Variants in MAGI1 observed in about 807,000 individuals in gnomAD.
MAGI1 encodes the protein membrane-associated guanylate kinase, WW and PDZ domain-containing protein 1.
Under a neutral mutation model 139.9 loss-of-function variants are expected in MAGI1, and 58 were observed. That is an observed-to-expected ratio of 0.41 (90% CI 0.34 to 0.52). The LOEUF is 0.52. MAGI1 is among the 20% of genes least tolerant of loss of function. MAGI1 has a pLI of 0.12. For synonymous variants in MAGI1, 812 were observed against 737.9 expected (o/e 1.10, Z -1.63); for missense variants, 1,874 against 1,901.6 (o/e 0.99, Z 0.27).
At chr3:65,974,685 A>C (rs1560071945) in intron 1 of MAGI1, among the ~76,000 whole-genome samples, 1 of 152,112 alleles carries the variant, frequency 6.6e-6, no homozygotes, top group Non-Finnish European at 1.5e-5. Context: ...GCTCATTCGC[A>C]TGGCTGTCAG....
chr3:65,858,080 G>T (rs1317942586), intron 1 of MAGI1, among the ~76,000 whole-genome samples: 1 of 151,724 alleles, frequency 6.6e-6, no homozygotes, highest in Non-Finnish European at 1.5e-5. Flanking sequence ...CTGCACTCCA[G>T]CCTGGGTGAC....
intron 1 of MAGI1, among the ~76,000 whole-genome samples, chr3:65,863,166 C>T (rs1329900818): frequency 1.3e-5 from 2 of 152,220 alleles, no homozygotes; most frequent in Admixed American, 1.3e-4. Flanking sequence ...AAATTCGGAT[C>T]AATCTTCAAG....
intron 1 of MAGI1, among the ~76,000 whole-genome samples, chr3:65,780,860 T>C (rs929273987): frequency 5.3e-5 from 8 of 152,210 alleles, no homozygotes. Flanking sequence ...GTATACTATG[T>C]AAGGGCCATG....
intron 1 of MAGI1, chr3:65,893,832 G>A (rs1238157940): frequency 1.3e-5 from 2 of 152,162 alleles, no homozygotes; most frequent in Non-Finnish European, 2.9e-5. Flanking sequence ...TGAAATGCTT[G>A]TCTCTGCTTC....
At chr3:65,646,348 T>C (rs900637760) in intron 1 of MAGI1, among the ~76,000 whole-genome samples, 1 of 151,702 alleles carries the variant, frequency 6.6e-6, no homozygotes, top group Non-Finnish European at 1.5e-5. Context: ...CAAGAAAACA[T>C]AGCAATCCTA....
At chr3:65,400,345 C>T (rs541597227) in intron 13 of MAGI1, among the ~76,000 whole-genome samples, 6 of 151,990 alleles carry the variant, frequency 3.9e-5, no homozygotes, top group African/African-American at 9.6e-5. Flanking sequence ...CAGGAAGCTC[C>T]CTCTCTCATC....
chr3:65,684,524 G>T (rs994988141), intron 1 of MAGI1, among the ~76,000 whole-genome samples: 2 of 152,200 alleles, frequency 1.3e-5, no homozygotes, highest in Admixed American at 1.3e-4. Flanking sequence ...AGCCAGGGGA[G>T]AGATGGGTGT....
At chr3:65,763,195 T>C (rs1203660809) in intron 1 of MAGI1, among the ~76,000 whole-genome samples, 1 of 152,076 alleles carries the variant, frequency 6.6e-6, no homozygotes, top group Non-Finnish European at 1.5e-5. Flanking sequence ...ACCAAGAGAG[T>C]TCTGTATAAA....
chr3:65,585,669 T>C (rs1273029931), intron 2 of MAGI1, among the ~76,000 whole-genome samples: 3 of 152,132 alleles, frequency 2.0e-5, no homozygotes, highest in Non-Finnish European at 4.4e-5. Context: ...ATTCTAGGTA[T>C]CTACCTAGCA....
intron 1 of MAGI1, among the ~76,000 whole-genome samples, chr3:66,025,660 C>A (rs1232912327): frequency 6.6e-6 from 1 of 152,136 alleles, no homozygotes; most frequent in Non-Finnish European, 1.5e-5. Context: ...AAAAGCCCCC[C>A]CATCTTCAAA....
chr3:65,424,738 C>T (rs142496432), intron 12 of MAGI1, among the ~76,000 whole-genome samples: 3 of 152,172 alleles, frequency 2.0e-5, no homozygotes, highest in South Asian at 2.1e-4. Flanking sequence ...TACTCAGAAA[C>T]GAAAATATTA....
intron 1 of MAGI1, among the ~76,000 whole-genome samples, chr3:65,859,894 G>GT (rs113749701): frequency 0.87 from 127,380 of 146,664 alleles, 54,361 homozygotes; most frequent in East Asian, 0.99. Flanking sequence ...TTTTTTGTTT[G>GT]TTTTTGTTTT....
At chr3:65,799,985 T>G (rs1559894647) in intron 1 of MAGI1, among the ~76,000 whole-genome samples, 1 of 152,216 alleles carries the variant, frequency 6.6e-6, no homozygotes, top group African/African-American at 2.4e-5. Flanking sequence ...AAGTTAATAC[T>G]ACGTTTCCCA....
intron 1 of MAGI1, among the ~76,000 whole-genome samples, chr3:65,775,787 T>C (rs2107971921): frequency 6.6e-6 from 1 of 151,690 alleles, no homozygotes; most frequent in South Asian, 2.1e-4. Flanking sequence ...ACCAAAAATA[T>C]AAAAAATTAG....
chr3:65,440,181 A>G (rs1948176681), intron 8 of MAGI1, among the ~76,000 whole-genome samples, 169 bp from the exon 9 acceptor site: 1 of 152,188 alleles, frequency 6.6e-6, no homozygotes. Context: ...TGAAGTTTCC[A>G]TTACTGACTG....
At chr3:65,760,760 ACCACACAACACTG>A (rs1454704452) in intron 1 of MAGI1, among the ~76,000 whole-genome samples, 15 of 152,182 alleles carry the variant, frequency 9.9e-5, no homozygotes, top group Admixed American at 3.3e-4. Flanking sequence ...GTCCCTAGCT[ACCACACAACACTG>A]CCTTATGATA....
chr3:65,361,451 C>T (rs189734618), intron 21 of MAGI1, 114 bp from the exon 22 acceptor site: 1 of 991,602 alleles, frequency 1.0e-6, no homozygotes, highest in Non-Finnish European at 1.5e-6. Flanking sequence ...GTGACAAAAA[C>T]AAACAGAAAT....
intron 2 of MAGI1, among the ~76,000 whole-genome samples, chr3:65,571,670 C>T (rs181891677): frequency 1.6e-3 from 238 of 151,692 alleles, no homozygotes; most frequent in African/African-American, 5.6e-3. Flanking sequence ...TTCAAAAAGA[C>T]ATTTGGTAGG....
chr3:65,740,262 A>C (rs570253702), intron 1 of MAGI1, among the ~76,000 whole-genome samples: 1 of 152,286 alleles, frequency 6.6e-6, no homozygotes, highest in Non-Finnish European at 1.5e-5. Flanking sequence ...TGATGCTAAT[A>C]ATATTTTCTG....
Sources: gnomAD v4.1 joint callset for allele counts (sites outside exome capture counted in the v4.1 genomes callset) on GRCh38, gnomAD v4.1.1 for gene constraint, MANE v1.5 for transcripts, NCBI Gene and HGNC (gene_info 2026-07-23, HGNC 2026-07-21) for gene names.